The following CNBD1 variants were observed in gnomAD, a reference collection of about 807,000 sequenced individuals.
The protein encoded by CNBD1 is cyclic nucleotide binding domain containing 1, also known as cyclic nucleotide-binding domain-containing protein 1.
A neutral mutation model predicts 54.4 loss-of-function variants in CNBD1; 71 were observed. The observed-to-expected ratio is 1.30, with a 90% CI of 1.08 to 1.59. The LOEUF (loss-of-function observed/expected upper bound fraction) is 1.59. Ranked by LOEUF, CNBD1 falls within the 40% of genes most tolerant of loss-of-function variation. The probability of loss-of-function intolerance (pLI) is 0.00; values close to 1 mark genes in which losing one functional copy is unlikely to be tolerated. For synonymous variants in CNBD1, 182 were observed against 170.7 expected (o/e 1.07, Z -0.51); for missense variants, 659 against 518.0 (o/e 1.27, Z -2.64).
At chr8:87,246,594 T>A (rs1202917980) in intron 6 of CNBD1, among the ~76,000 whole-genome samples, 2 of 152,184 alleles carry the variant, frequency 1.3e-5, no homozygotes, top group African/African-American at 4.8e-5. Flanking sequence ...CTTTAGGGAT[T>A]AATTTAGAAC....
At chr8:87,312,147 C>G (rs1175318757) in intron 8 of CNBD1, among the ~76,000 whole-genome samples, 3 of 152,058 alleles carry the variant, frequency 2.0e-5, no homozygotes, top group Non-Finnish European at 2.9e-5. Flanking sequence ...CATTTTTCCT[C>G]TGAAAGGTGC....
chr8:87,144,820 CAAAA>C (rs58385807), intron 4 of CNBD1, among the ~76,000 whole-genome samples: 7 of 104,292 alleles, frequency 6.7e-5, no homozygotes, highest in Admixed American at 1.0e-4. Flanking sequence ...AACTATGCCT[CAAAA>C]AAAAAAAAAA....
At chr8:87,211,024 A>C (rs1814087162) in intron 5 of CNBD1, among the ~76,000 whole-genome samples, 1 of 152,120 alleles carries the variant, frequency 6.6e-6, no homozygotes, top group African/African-American at 2.4e-5. Flanking sequence ...CTGCAGAGAC[A>C]TGGGGGCAGA....
intron 8 of CNBD1, among the ~76,000 whole-genome samples, chr8:87,288,438 G>A (rs1306321187): frequency 2.6e-5 from 4 of 151,852 alleles, no homozygotes; most frequent in Non-Finnish European, 5.9e-5. Context: ...TTTTTGAGGT[G>A]ATTAGAAAAG....
At position 87,353,913 on chromosome 8, in the gene CNBD1, G is replaced by A. The variant is rs956566728; in HGVS notation, c.1303+127G>A. 15 of 609,904 alleles carry A rather than the reference G, an allele frequency of 2.5e-5. 1 individual carries two copies. The South Asian group carries it at 3.1e-4, about 13-fold the overall frequency. 37.8% of individuals were successfully genotyped at this position (609,904 alleles called of 1,614,324 possible). On this transcript the variant is annotated intron_variant, in intron 10 of 10. Coordinates refer to ENST00000518476, the MANE Select transcript of CNBD1 (RefSeq NM_173538.3). The stretch of plus-strand genomic sequence containing the variant: ...TTGGGGTTCACCTGCAAAGGATGGA[G>A]TATTTGCATAATCTCCTCCAGATCA...
chr8:87,203,378 A>C (rs11777636), intron 4 of CNBD1, among the ~76,000 whole-genome samples: 4,854 of 152,296 alleles, frequency 0.032, 104 homozygotes, highest in Non-Finnish European at 0.049. Flanking sequence ...TGTACCTAAC[A>C]AATGCACATA....
At chr8:87,370,650 G>A (rs1409760231) in intron 10 of CNBD1, among the ~76,000 whole-genome samples, 1 of 151,546 alleles carries the variant, frequency 6.6e-6, no homozygotes, top group African/African-American at 2.4e-5. Context: ...TGAGTAGGTT[G>A]CAAAAATTTT....
chr8:87,284,924 A>C lies in CNBD1; in HGVS notation c.909+109A>C, dbSNP rs1340518247. The C allele has an allele frequency of 7.3e-6, 6 of 818,148 alleles. No homozygotes were observed. The Admixed American group carries it at 1.9e-4, about 26-fold the overall frequency. The allele number at this position is 818,148 out of a possible 1,614,324, so 50.7% of individuals were successfully genotyped here. On this transcript the variant is annotated intron_variant, in intron 7 of 10. Coordinates refer to ENST00000518476, the MANE Select transcript of CNBD1 (RefSeq NM_173538.3). ...ATATCTGTTTTATTTTTAAATTTTA[A>C]TTTAACCTAGAGACCATAAAAATGT...
At chr8:86,905,990 A>G (rs1809011617) in intron 3 of CNBD1, among the ~76,000 whole-genome samples, 1 of 151,998 alleles carries the variant, frequency 6.6e-6, no homozygotes, top group African/African-American at 2.4e-5. Flanking sequence ...CTCCCTAATA[A>G]CTTCTATTGC....
chr8:87,393,548 C>T (rs1811352713), intron 2 of CNBD1, among the ~76,000 whole-genome samples: 1 of 151,834 alleles, frequency 6.6e-6, no homozygotes, highest in Non-Finnish European at 1.5e-5. Flanking sequence ...ACCATGGTTT[C>T]TTCCCCCAAA....
At chr8:87,285,388 A>AT (rs535945944) in intron 7 of CNBD1, among the ~76,000 whole-genome samples, 5 of 152,030 alleles carry the variant, frequency 3.3e-5, no homozygotes, top group Non-Finnish European at 5.9e-5. Context: ...TCAAATCCAA[A>AT]TTTTTTCTTG....
chr8:87,250,484 A>G (rs1207299389), intron 6 of CNBD1, among the ~76,000 whole-genome samples: 1 of 152,204 alleles, frequency 6.6e-6, no homozygotes, highest in Non-Finnish European at 1.5e-5. Flanking sequence ...ATATATCCAA[A>G]AGGAATGAAA....
intron 8 of CNBD1, among the ~76,000 whole-genome samples, chr8:87,328,509 C>T (rs1809742165): frequency 6.6e-6 from 1 of 151,322 alleles, no homozygotes. Context: ...GCTTTGATTA[C>T]TGTAGTTCTC....
At chr8:86,930,483 G>A (rs1309027516) in intron 3 of CNBD1, among the ~76,000 whole-genome samples, 2 of 152,152 alleles carry the variant, frequency 1.3e-5, no homozygotes. Context: ...AAACAGATGA[G>A]GGCTATCCCT....
chr8:87,053,796 C>G (rs896390867), intron 4 of CNBD1, among the ~76,000 whole-genome samples: 2 of 152,140 alleles, frequency 1.3e-5, no homozygotes, highest in Non-Finnish European at 2.9e-5. Context: ...TGGGCAAAGC[C>G]CCCTAATGGA....
At chr8:86,961,487 A>T (rs1040662675) in intron 4 of CNBD1, among the ~76,000 whole-genome samples, 1 of 152,214 alleles carries the variant, frequency 6.6e-6, no homozygotes, top group African/African-American at 2.4e-5. Context: ...TCCATACAAT[A>T]TTGGGGCCAA....
intron 2 of CNBD1, among the ~76,000 whole-genome samples, chr8:87,388,120 T>C (rs889611995): frequency 2.0e-5 from 3 of 152,016 alleles, no homozygotes; most frequent in African/African-American, 7.3e-5. Context: ...AGAGGGAAAT[T>C]TATAGCACTA....
intron 4 of CNBD1, among the ~76,000 whole-genome samples, chr8:87,025,810 G>A (rs192281691): frequency 5.3e-4 from 81 of 152,190 alleles, no homozygotes; most frequent in Non-Finnish European, 9.9e-4. Flanking sequence ...CCATCTTTAA[G>A]AACTGTAATA....
chr8:87,251,472 C>T (rs1314401085), intron 6 of CNBD1, among the ~76,000 whole-genome samples: 1 of 151,860 alleles, frequency 6.6e-6, no homozygotes, highest in African/African-American at 2.4e-5. Context: ...CCTGTAATCC[C>T]AGCTACTTGA....
Sources: gnomAD v4.1 joint callset for allele counts (sites outside exome capture counted in the v4.1 genomes callset) on GRCh38, gnomAD v4.1.1 for gene constraint, MANE v1.5 for transcripts, NCBI Gene and HGNC (gene_info 2026-07-23, HGNC 2026-07-21) for gene names.